The following C1QTNF3 variants were observed in gnomAD, a reference collection of about 807,000 sequenced individuals.
C1QTNF3 encodes the protein complement C1q tumor necrosis factor-related protein 3.
C1QTNF3 carries 26 observed loss-of-function variants against 32.6 expected under a neutral mutation model. The observed-to-expected ratio is 0.80, with a 90% CI of 0.58 to 1.11. The LOEUF (loss-of-function observed/expected upper bound fraction) is 1.11. Among genes scored for constraint, C1QTNF3 ranks in the 50% least tolerant of loss-of-function variants. C1QTNF3 has a pLI of 0.00. For synonymous variants in C1QTNF3, 155 were observed against 146.0 expected, an observed-to-expected ratio of 1.06 and a Z score of -0.44; for missense variants, 362 against 398.2, an observed-to-expected ratio of 0.91 and a Z score of 0.77.
the C1QTNF3 span, among the ~76,000 whole-genome samples, chr5:34,107,876 G>C: frequency 6.6e-6 from 1 of 152,006 alleles, no homozygotes; most frequent in Admixed American, 6.6e-5. Flanking sequence ...CAAGACTTGA[G>C]CTCAGTTTTA....
At chr5:34,056,452 G>GTA in the C1QTNF3 span, among the ~76,000 whole-genome samples, 7 of 53,482 alleles carry the variant, frequency 1.3e-4, no homozygotes, top group African/African-American at 3.6e-4. Context: ...GTGTGTGTGT[G>GTA]TGTATATATA....
the C1QTNF3 span, among the ~76,000 whole-genome samples, chr5:34,132,326 G>A: frequency 4.0e-5 from 6 of 151,564 alleles, no homozygotes; most frequent in African/African-American, 7.3e-5. Flanking sequence ...CGGAGGTTAC[G>A]GTGAGCTGAG....
the C1QTNF3 span, among the ~76,000 whole-genome samples, chr5:34,052,120 A>G: frequency 6.6e-6 from 1 of 152,210 alleles, no homozygotes; most frequent in African/African-American, 2.4e-5. Flanking sequence ...CCTGTGTGAC[A>G]GAGCAAGACC....
chr5:34,222,355 T>C, the C1QTNF3 span, among the ~76,000 whole-genome samples: 1 of 151,958 alleles, frequency 6.6e-6, no homozygotes, highest in Non-Finnish European at 1.5e-5. Flanking sequence ...TTAGATTGTT[T>C]ATAAGTTTTA....
the C1QTNF3 span, among the ~76,000 whole-genome samples, chr5:34,120,724 T>A: frequency 6.6e-6 from 1 of 152,218 alleles, no homozygotes; most frequent in Non-Finnish European, 1.5e-5. Flanking sequence ...ATGTGAGACA[T>A]GCCTTTCACC....
chr5:34,096,819 T>C, the C1QTNF3 span, among the ~76,000 whole-genome samples: 1 of 151,790 alleles, frequency 6.6e-6, no homozygotes. Context: ...CTGTGAAGTT[T>C]ATGAACAAAT....
chr5:34,068,971 T>C, the C1QTNF3 span, among the ~76,000 whole-genome samples: 1 of 151,228 alleles, frequency 6.6e-6, no homozygotes, highest in Non-Finnish European at 1.5e-5. Context: ...GCAAATGTAC[T>C]TGCCTCAAGT....
At chr5:34,037,834 A>G (rs1226130546) in intron 1 of C1QTNF3, among the ~76,000 whole-genome samples, 2 of 152,204 alleles carry the variant, frequency 1.3e-5, no homozygotes, top group Non-Finnish European at 2.9e-5. Flanking sequence ...CCCACCTTCT[A>G]ATCCAAAACT....
the C1QTNF3 span, among the ~76,000 whole-genome samples, chr5:34,229,620 G>A: frequency 7.2e-5 from 11 of 152,246 alleles, no homozygotes; most frequent in African/African-American, 2.2e-4. Context: ...AAATGCAATC[G>A]TAAGATTCTT....
At chr5:34,021,282 G>A (rs1330462047) in intron 5 of C1QTNF3, among the ~76,000 whole-genome samples, 1 of 152,210 alleles carries the variant, frequency 6.6e-6, no homozygotes, top group Non-Finnish European at 1.5e-5. Flanking sequence ...GAAAGCAGAA[G>A]ATCCATGTTA....
the C1QTNF3 span, among the ~76,000 whole-genome samples, chr5:34,210,530 G>A: frequency 4.0e-5 from 6 of 148,780 alleles, no homozygotes; most frequent in Admixed American, 2.0e-4. Context: ...TTTTGCTTTG[G>A]CTTACTAAAT....
chr5:34,089,270 C>A, the C1QTNF3 span, among the ~76,000 whole-genome samples: 6 of 152,196 alleles, frequency 3.9e-5, no homozygotes, highest in South Asian at 1.2e-3. Context: ...TCTGTGATTT[C>A]AATTTTCTTT....
At chr5:34,058,728 A>C in the C1QTNF3 span, among the ~76,000 whole-genome samples, 12 of 152,324 alleles carry the variant, frequency 7.9e-5, no homozygotes, top group Admixed American at 5.9e-4. Flanking sequence ...TAGGTTGCAC[A>C]AAGTAGACTT....
chr5:34,051,613 A>G, the C1QTNF3 span, among the ~76,000 whole-genome samples: 1 of 152,214 alleles, frequency 6.6e-6, no homozygotes, highest in Non-Finnish European at 1.5e-5. Flanking sequence ...GGATTTAGAG[A>G]GCTGGAAATC....
chr5:34,237,032 AG>A, the C1QTNF3 span, among the ~76,000 whole-genome samples: 1 of 152,184 alleles, frequency 6.6e-6, no homozygotes, highest in Non-Finnish European at 1.5e-5. Context: ...GCGGAAAGAA[AG>A]GTTGCTTAGT....
the C1QTNF3 span, among the ~76,000 whole-genome samples, chr5:34,057,826 G>A: frequency 1.3e-5 from 2 of 152,172 alleles, no homozygotes; most frequent in Non-Finnish European, 1.5e-5. Flanking sequence ...GCCAGGAGGT[G>A]CCGCAAGTTT....
chr5:34,138,311 T>C, the C1QTNF3 span, among the ~76,000 whole-genome samples: 11 of 152,288 alleles, frequency 7.2e-5, no homozygotes, highest in African/African-American at 2.6e-4. Context: ...GAACACTATT[T>C]TTTTTCCACC....
Position 34,020,708 on chromosome 5 carries a change from T to C in C1QTNF3, c.835A>G (p.Asn279Asp). Reference protein sequence around the residue: ...EMKGKSDTSSNHAVLKLAKGD... With the variant: ...EMKGKSDTSSDHAVLKLAKGD... ...TTGGCTAGCTTCAGCACAGCATGAT[T>C]GCTGGATGTATCTGATTTGCCCTTC... The change falls in exon 6 of 6, where the codon AAT becomes GAT. Residue 279 changes from asparagine to aspartate, a missense_variant. By Grantham distance (23) the Asn-to-Asp change is conservative. Transcript: ENST00000382065. 1 of 1,614,110 alleles carries C rather than the reference T, an allele frequency of 6.2e-7. No individual in the cohort carries two copies. The highest frequency in any genetic ancestry group is 8.5e-7 in the Non-Finnish European group (1 of 1,179,956).
chr5:34,020,775 T>TC (rs1754305746), intron 5 of C1QTNF3, 33 bp from the exon 6 acceptor site: 1 of 1,599,266 alleles, frequency 6.3e-7, no homozygotes, highest in Non-Finnish European at 8.6e-7. Flanking sequence ...ACTACTTAGT[T>TC]TTTGCCATGA....
Sources: allele counts gnomAD v4.1 joint callset (sites outside exome capture counted in the v4.1 genomes callset), GRCh38; gene constraint gnomAD v4.1.1; transcripts MANE v1.5; gene names NCBI Gene and HGNC (gene_info 2026-07-23, HGNC 2026-07-21).